LYST: variants seen among roughly 807,000 people sequenced by gnomAD.
LYST encodes lysosomal-trafficking regulator.
In LYST, 192 loss-of-function variants were observed where a neutral mutation model predicts 413.6. The ratio of observed to expected loss-of-function variants is 0.46; its 90% CI spans 0.41 to 0.52. The LOEUF is 0.52. LYST is among the 20% of genes least tolerant of loss of function. LYST has a pLI of 0.00. For synonymous variants in LYST, 1,525 were observed against 1,567.3 expected (o/e 0.97, Z 0.64); for missense variants, 3,815 against 4,499.9 (o/e 0.85, Z 4.35).
In LYST at chr1:235,693,405, T is replaced by G; in HGVS notation, c.10646A>C (p.Lys3549Thr). The change falls in exon 47 of 53, where the codon AAG becomes ACG. Residue 3549 changes from lysine (K) to threonine (T), a missense_variant. Coordinates refer to ENST00000389793, the MANE Select transcript of LYST (RefSeq NM_000081.4). ...TACTGGAGGCTCACTTTGTTTACTC[T>G]TCAACCTTAAAATATTATCAGCATA... ...WGYADNILRL[K>T]SKQSEPPVNF... is the part of the protein sequence containing the mutation. The G allele has an allele frequency of 1.2e-6, 2 of 1,613,768 alleles. No homozygotes were observed. Among genetic ancestry groups the G allele is most frequent in the Non-Finnish European group, 1.7e-6 (2 of 1,179,616 alleles).
chr1:235,766,323 C>T lies in LYST; in HGVS notation c.5923-46G>A, dbSNP rs752606040. ...CTCTTTAGATTTAAAGAATTGTCAA[C>T]TTAACTAAGATTTTTCATTTAGGCA... On this transcript the variant is annotated intron_variant, in intron 20 of 52. Transcript: ENST00000389793. The T allele has an allele frequency of 1.7e-5, 24 of 1,433,730 alleles. No individual in the cohort carries two copies. The South Asian group carries it at 2.8e-4, about 17-fold the overall frequency. 88.8% of individuals were successfully genotyped at this position (1,433,730 alleles called of 1,614,324 possible).
chr1:235,797,219 C>T (rs902599545), intron 10 of LYST, among the ~76,000 whole-genome samples: 6 of 152,110 alleles, frequency 3.9e-5, no homozygotes, highest in African/African-American at 1.4e-4. Flanking sequence ...CCCAAATGTC[C>T]ATCAACTGAT....
chr1:235,739,058 T>C, intron 31 of LYST: 1 of 615,606 alleles, frequency 1.6e-6, no homozygotes, highest in Non-Finnish European at 3.1e-6. Context: ...TTGTGCATAT[T>C]GTCCTTTTTA....
chr1:235,670,702 C>G (rs1046738750), intron 50 of LYST, among the ~76,000 whole-genome samples: 1 of 152,158 alleles, frequency 6.6e-6, no homozygotes, highest in Non-Finnish European at 1.5e-5. Context: ...TTGGGACATC[C>G]TGGAGGTTGA....
intron 3 of LYST, among the ~76,000 whole-genome samples, chr1:235,816,070 C>T (rs1572355080): frequency 7.9e-6 from 1 of 126,158 alleles, no homozygotes; most frequent in Non-Finnish European, 1.6e-5. Flanking sequence ...GAGGAAGATG[C>T]AGTGAGCCAA....
chr1:235,740,719 A>G (rs1043608107), intron 31 of LYST, among the ~76,000 whole-genome samples: 2 of 152,214 alleles, frequency 1.3e-5, no homozygotes, highest in Non-Finnish European at 2.9e-5. Flanking sequence ...TAAGCATTTG[A>G]ATATTTGTAG....
chr1:235,683,804 C>A (rs1330872993), intron 48 of LYST, among the ~76,000 whole-genome samples: 1 of 152,170 alleles, frequency 6.6e-6, no homozygotes, highest in Non-Finnish European at 1.5e-5. Flanking sequence ...TGAGGTGTCT[C>A]CTGCTAACCT....
At chr1:235,753,680 C>A (rs564010619) in intron 25 of LYST, among the ~76,000 whole-genome samples, 3 of 152,104 alleles carry the variant, frequency 2.0e-5, no homozygotes, top group African/African-American at 7.2e-5. Flanking sequence ...GAATGATTCT[C>A]GAGTTCTTAT....
In LYST at chr1:235,766,987, T is replaced by C. The variant is rs1268373551; in HGVS notation, c.5923-710A>G. ...AGAATATGAGGCACAAAGAGGTTAT[T>C]TGACTAGTGTAAACCACACATAAAA... On this transcript the variant is annotated intron_variant, in intron 20 of 52. Transcript: ENST00000389793. Among the ~76,000 whole-genome samples, 9 of 152,090 alleles carry C rather than the reference T, an allele frequency of 5.9e-5. No homozygotes were observed. In the East Asian group the frequency reaches 1.7e-3, roughly 29 times the overall value.
Position 235,759,017 on chromosome 1 carries a change from G to A in LYST, c.6836C>T (p.Ser2279Phe), listed in dbSNP as rs1039438447. The part of the protein sequence containing the change: ...NTDDWENFAY[S>F]LGYEPNYNRT... ...GTTGTAATTTGGCTCATAACCAAGA[G>A]AATAGGCAAAGTTTTCCCAATCATC... Residue 2279 changes from serine (S) to phenylalanine (F), a missense_variant, in exon 23 of 53, where the codon TCT becomes TTT. Around this residue, in one of 4 missense-constraint regions of LYST, gnomAD observed 771 missense variants for 837.1 expected, o/e 0.92. Coordinates refer to ENST00000389793, the MANE Select transcript of LYST (RefSeq NM_000081.4). 7 of 1,613,956 alleles carry A rather than the reference G, an allele frequency of 4.3e-6. No individual in the cohort carries two copies. Among genetic ancestry groups the A allele is most frequent in the Non-Finnish European group, 5.1e-6 (6 of 1,179,992 alleles).
chr1:235,856,929 A>G (rs979636259), intron 1 of LYST, among the ~76,000 whole-genome samples: 1 of 148,296 alleles, frequency 6.7e-6, no homozygotes, highest in African/African-American at 2.5e-5. Context: ...CAAGTTACAC[A>G]GGATATACTG....
At chr1:235,878,175 G>A (rs1358779152) in intron 1 of LYST, among the ~76,000 whole-genome samples, 1 of 152,156 alleles carries the variant, frequency 6.6e-6, no homozygotes, top group Non-Finnish European at 1.5e-5. Context: ...AGCTTAATCA[G>A]CAGAGCCCCA....
rs1666673046 is a variant in LYST at position 235,753,170 on chromosome 1, T to G, written c.7334A>C (p.His2445Pro). ...ETSLYDNILL[H>P]NALLLLLQIL... ...TTGGAGAAGAAGTAAAAGAGCATTA[T>G]GCAAGAGTATGTTGTCATATAGAGA... is the stretch of plus-strand genomic sequence containing the variant. The change falls in exon 26 of 53, where the codon CAT (histidine) becomes CCT (proline). Residue 2445 changes from histidine to proline, a missense_variant. His to Pro is a moderately conservative substitution (Grantham distance 77, BLOSUM62 -2). Coordinates refer to ENST00000389793, the MANE Select transcript of LYST (RefSeq NM_000081.4). The G allele has an allele frequency of 6.2e-7, 1 of 1,607,398 alleles. No homozygotes were observed. The highest frequency in any genetic ancestry group is 1.7e-5 in the Admixed American group (1 of 59,978).
Position 235,666,650 on chromosome 1 carries a change from A to T in LYST, c.11039-2029T>A, listed in dbSNP as rs542617221. 8.3e-4 allele frequency among the ~76,000 whole-genome samples: 123 copies of T among 149,078 alleles called. 1 individual carries two copies. Among genetic ancestry groups the T allele is most frequent in the African/African-American group, 3.0e-3 (121 of 40,536 alleles). ...CACACACACACATGCCCAATGTTCT[A>T]CTAAGTTTTCCCATTGTAGAACATT... On this transcript the variant is annotated intron_variant, in intron 50 of 52. Transcript: ENST00000389793.
rs768016222 is a variant in LYST at position 235,809,190 on chromosome 1, T to C, written c.1628A>G (p.Tyr543Cys). 1.9e-6 allele frequency: 3 copies of C among 1,614,042 alleles called. No individual in the cohort carries two copies. In the Admixed American group the frequency reaches 5.0e-5, roughly 27 times the overall value. Residue 543 changes from tyrosine to cysteine, a missense_variant, in exon 5 of 53, where the codon TAT (tyrosine) becomes TGT (cysteine). Coordinates refer to ENST00000389793, the MANE Select transcript of LYST (RefSeq NM_000081.4). This position sits in a 1 kb window ranked among gnomAD's most constrained non-coding sequence, Gnocchi z 4.0. ...FEETADGDVY[Y>C]PERCCCIAVC... ...TGCAATGCAACAGCACCGCTCAGGATAATAAACATCTCCATCTGCAGTCTC... is the reference window on the plus strand; with the variant it reads ...TGCAATGCAACAGCACCGCTCAGGACAATAAACATCTCCATCTGCAGTCTC...
intron 31 of LYST, chr1:235,737,878 A>G: frequency 9.0e-7 from 1 of 1,106,014 alleles, no homozygotes; most frequent in Non-Finnish European, 1.1e-6. Context: ...GACTGACTGT[A>G]TTTAAAGGTA....
At chr1:235,728,158 T>C (rs766117677) in intron 37 of LYST, 27 bp from the exon 38 acceptor site, 1 of 1,539,550 alleles carries the variant, frequency 6.5e-7, no homozygotes, top group Non-Finnish European at 9.0e-7. Context: ...GATATAAGGG[T>C]TTTAAAATGT....
chr1:235,850,234 C>T (rs367594482), intron 1 of LYST, among the ~76,000 whole-genome samples: 3 of 152,152 alleles, frequency 2.0e-5, no homozygotes, highest in South Asian at 2.1e-4. Flanking sequence ...TACCTACAGC[C>T]AACTGATCTT....
intron 48 of LYST, among the ~76,000 whole-genome samples, chr1:235,680,529 G>A (rs1285089851): frequency 1.3e-5 from 2 of 152,022 alleles, no homozygotes; most frequent in Admixed American, 6.5e-5. Context: ...GCCTCCCAAA[G>A]TGCTGGGATT....
Sources: gnomAD v4.1 joint callset for allele counts (sites outside exome capture counted in the v4.1 genomes callset) on GRCh38, gnomAD v4.1.1 for gene constraint, gnomAD v4.1.1 regional missense constraint, Gnocchi (gnomAD v3.1) non-coding constraint, MANE v1.5 for transcripts, NCBI Gene and HGNC (gene_info 2026-07-23, HGNC 2026-07-21) for gene names.